CARHSP1: variants seen among roughly 807,000 people sequenced by gnomAD.
CARHSP1 encodes calcium-regulated heat-stable protein 1.
A neutral mutation model predicts 12.5 loss-of-function variants in CARHSP1; 14 were observed. That is an observed-to-expected ratio of 1.12 (90% CI 0.74 to 1.75). The LOEUF is 1.75. Ranked by LOEUF, CARHSP1 falls within the 40% of genes most tolerant of loss-of-function variation. CARHSP1 has a pLI of 0.00. For missense variants in CARHSP1, 343 were observed against 201.6 expected, an observed-to-expected ratio of 1.70 and a Z score of -4.25; for synonymous variants, 161 against 82.0, an observed-to-expected ratio of 1.96 and a Z score of -5.20.
Position 8,859,292 on chromosome 16 carries a change from TG to T in CARHSP1, c.36del (p.Thr13ProfsTer214), listed in dbSNP as rs766068144. On this transcript the variant is annotated frameshift_variant, in exon 2 of 4. Transcript: ENST00000311052. LOFTEE classifies it high-confidence loss of function. ...SSEPPPPPQPPTHQASVGLLD... is the reference protein window; with the variant it reads ...SSEPPPPPQPXTHQASVGLLD... ...AGCAGCCCGACTGAAGCTTGATGGG[TG>T]GGGGGCTGTGGTGGTGGGGGAGGCT... 1 of 1,563,304 alleles carries T rather than the reference TG, an allele frequency of 6.4e-7. No homozygotes were observed.
chr16:8,863,327 G>T (rs760554769), intron 1 of CARHSP1, among the ~76,000 whole-genome samples: 2 of 152,088 alleles, frequency 1.3e-5, no homozygotes, highest in Non-Finnish European at 2.9e-5. Context: ...TGCCCAGGCT[G>T]GTCTTAAACT....
Position 8,855,179 on chromosome 16 carries a change from A to T in CARHSP1, c.429T>A (p.His143Gln). ...CCACCATCTCCTAGGAGCTGATGACATGTCCAGACCAGGTCTCATGCTTGG... is the reference window on the plus strand; with the variant it reads ...CCACCATCTCCTAGGAGCTGATGACTTGTCCAGACCAGGTCTCATGCTTGG... ...PGTKHETWSGHVISS is the reference protein window; with the variant it reads ...PGTKHETWSGQVISS Residue 143 changes from histidine to glutamine, a missense_variant, in exon 4 of 4, where the codon CAT (histidine) becomes CAA (glutamine). By Grantham distance (24) the His-to-Gln change is conservative. Coordinates refer to ENST00000311052, the MANE Select transcript of CARHSP1 (RefSeq NM_014316.4). 6.2e-7 allele frequency: 1 copy of T among 1,601,254 alleles called. No homozygotes were observed.
rs972022935 is a variant in CARHSP1 at position 8,854,116 on chromosome 16, CA to C, written c.*1047del. 2.0e-5 allele frequency: 3 copies of C among 151,664 alleles called. No homozygotes were observed. The highest frequency in any genetic ancestry group is 4.4e-5 in the Non-Finnish European group (3 of 67,950). The allele number at this position is 151,664 out of a possible 1,614,324, so 9.4% of individuals were successfully genotyped here. A position where few individuals can be genotyped will look rare whatever the true frequency, so the allele number is the denominator to read the frequency against. On this transcript the variant is annotated 3_prime_UTR_variant, in exon 4 of 4. Coordinates refer to ENST00000311052, the MANE Select transcript of CARHSP1 (RefSeq NM_014316.4). ...GCCAAAAAGTTTGCAATGTCGGCAG[CA>C]AAGTGCAAACAGAGCCGGCTCTGGG...
intron 1 of CARHSP1, chr16:8,866,440 C>T (rs1288483481): frequency 1.0e-6 from 1 of 985,404 alleles, no homozygotes; most frequent in Non-Finnish European, 1.2e-6. Context: ...ACCTGGGTTC[C>T]TCCTTTGTAA....
intron 1 of CARHSP1, among the ~76,000 whole-genome samples, chr16:8,861,961 C>T (rs71386462): frequency 0.011 from 1,680 of 146,278 alleles, 24 homozygotes; most frequent in Non-Finnish European, 0.015. Flanking sequence ...CTCCCTCCCT[C>T]CTTTCTCCTG....
At chr16:8,862,445 T>C (rs1488584471) in intron 1 of CARHSP1, among the ~76,000 whole-genome samples, 3 of 152,142 alleles carry the variant, frequency 2.0e-5, no homozygotes, top group Admixed American at 2.0e-4. Context: ...TACCGAGCCC[T>C]GTTCAAGGCC....
chr16:8,858,968 T>A (rs1221096019), intron 2 of CARHSP1: 6 of 492,940 alleles, frequency 1.2e-5, no homozygotes, highest in Non-Finnish European at 3.5e-6. Context: ...TCCCAGCTGG[T>A]AACAGGTTCT....
intron 3 of CARHSP1, among the ~76,000 whole-genome samples, chr16:8,856,794 C>T (rs532329569): frequency 1.0e-4 from 15 of 144,360 alleles, no homozygotes; most frequent in Admixed American, 5.5e-4. Context: ...GACAAGGGTG[C>T]AGATCGAGGG....
At chr16:8,861,682 C>A in intron 1 of CARHSP1, 1 of 1,289,098 alleles carries the variant, frequency 7.8e-7, no homozygotes, top group South Asian at 1.2e-5. Context: ...TCCCTTCTCT[C>A]AGCTACAGCC....
At chr16:8,855,547 C>T (rs1444778714) in intron 3 of CARHSP1, among the ~76,000 whole-genome samples, 2 of 152,214 alleles carry the variant, frequency 1.3e-5, no homozygotes, top group Admixed American at 6.5e-5. Context: ...TCAGCTCCTT[C>T]CCTGGGACTT....
At chr16:8,856,966 G>A (rs1005946212) in intron 3 of CARHSP1, among the ~76,000 whole-genome samples, 1 of 152,124 alleles carries the variant, frequency 6.6e-6, no homozygotes, top group Non-Finnish European at 1.5e-5. Context: ...GGAGGAGAAA[G>A]ACCCACCCCA....
chr16:8,866,683 G>T (rs1245197124), intron 1 of CARHSP1, among the ~76,000 whole-genome samples: 1 of 151,410 alleles, frequency 6.6e-6, no homozygotes, highest in East Asian at 2.0e-4. Flanking sequence ...TCTGGCGAGG[G>T]AGGAGCAGAG....
At chr16:8,856,111 C>T (rs1222121295) in intron 3 of CARHSP1, among the ~76,000 whole-genome samples, 1 of 152,190 alleles carries the variant, frequency 6.6e-6, no homozygotes, top group African/African-American at 2.4e-5. Flanking sequence ...GCCTGGACTC[C>T]CGGTGAGCCT....
At chr16:8,857,263 GTTTTTTTTTTTTTTTTTTTTTTTTT>G (rs756390920) in intron 3 of CARHSP1, among the ~76,000 whole-genome samples, 3 of 57,006 alleles carry the variant, frequency 5.3e-5, no homozygotes, top group South Asian at 8.8e-4. Context: ...GGGCAGATCT[GTTTTTTTTTTTTTTTTTTTTTTTTT>G]TTTTTTTTTT....
intron 1 of CARHSP1, among the ~76,000 whole-genome samples, chr16:8,865,281 T>C (rs910176224): frequency 6.6e-6 from 1 of 152,118 alleles, no homozygotes; most frequent in Non-Finnish European, 1.5e-5. Context: ...AGCCAATTGT[T>C]GTATTTTTAG....
chr16:8,859,620 T>G (rs991558635), intron 1 of CARHSP1, among the ~76,000 whole-genome samples: 1 of 151,996 alleles, frequency 6.6e-6, no homozygotes, highest in Non-Finnish European at 1.5e-5. Context: ...GCACAAGGCA[T>G]GGATCCCGGC....
intron 1 of CARHSP1, chr16:8,861,757 T>C (rs2061362502): frequency 7.8e-7 from 1 of 1,283,464 alleles, no homozygotes; most frequent in South Asian, 1.2e-5. Context: ...GCTGCTGGCC[T>C]GGGGGCCAGG....
intron 1 of CARHSP1, 143 bp from the exon 2 acceptor site, chr16:8,859,478 C>G (rs2061273402): frequency 1.3e-6 from 1 of 756,298 alleles, no homozygotes; most frequent in East Asian, 2.8e-5. Flanking sequence ...TGTCTGGGAG[C>G]ACGCCTGGCA....
intron 1 of CARHSP1, among the ~76,000 whole-genome samples, chr16:8,863,905 G>A (rs1444971568): frequency 1.3e-5 from 2 of 152,186 alleles, no homozygotes; most frequent in African/African-American, 2.4e-5. Flanking sequence ...CCAGCTTCCA[G>A]CCAGCCACTG....
Sources: allele counts gnomAD v4.1 joint callset (sites outside exome capture counted in the v4.1 genomes callset), GRCh38; gene constraint gnomAD v4.1.1; transcripts MANE v1.5; gene names NCBI Gene and HGNC (gene_info 2026-07-23, HGNC 2026-07-21).